CDH10: variants seen among roughly 807,000 people sequenced by gnomAD.
CDH10 encodes the protein cadherin-10.
CDH10 carries 30 observed loss-of-function variants against 73.1 expected under a neutral mutation model. The observed-to-expected ratio is 0.41, with a 90% CI of 0.31 to 0.56. CDH10 has a LOEUF of 0.56. Among genes scored for constraint, CDH10 ranks in the 20% least tolerant of loss-of-function variants. The pLI is 0.27. For missense variants in CDH10, 815 were observed against 973.7 expected (o/e 0.84, Z 2.17); for synonymous variants, 345 against 348.2 (o/e 0.99, Z 0.10).
Position 24,487,379 on chromosome 5 carries a change from A to C in CDH10, c.*284T>G, listed in dbSNP as rs1391459578. On this transcript the variant is annotated 3_prime_UTR_variant, in exon 12 of 12. Transcript: ENST00000264463. Reference sequence around the variant, plus strand: ...TGTTTGTGAGGTTGCTTAAGGGAGAACTATCCTGTTCATGTTTCTGAAATT... The same window carrying C: ...TGTTTGTGAGGTTGCTTAAGGGAGACCTATCCTGTTCATGTTTCTGAAATT... The C allele has an allele frequency of 4.4e-5, 14 of 315,100 alleles. No homozygotes were observed. Among genetic ancestry groups the C allele is most frequent in the Non-Finnish European group, 8.3e-5 (14 of 169,522 alleles). 19.5% of individuals were successfully genotyped at this position (315,100 alleles called of 1,614,324 possible).
At chr5:24,558,344 T>C (rs1744839210) in intron 2 of CDH10, among the ~76,000 whole-genome samples, 1 of 151,896 alleles carries the variant, frequency 6.6e-6, no homozygotes. Context: ...GAATTTTCCA[T>C]GACATTCACA....
Position 24,535,695 on chromosome 5 carries a change from T to C in CDH10, c.646+8A>G, listed in dbSNP as rs201546695. 8.2e-4 allele frequency: 1,322 copies of C among 1,606,538 alleles called. 3 individuals carry two copies. Among genetic ancestry groups the C allele is most frequent in the Middle Eastern group, 2.3e-3 (14 of 5,984 alleles). ...CAAATGAACAAACAGCAATTCATGA[T>C]TCCTGACCTGTTTCAGGCTCCACAG... On this transcript the variant is annotated splice_region_variant and intron_variant, in intron 4 of 11. Transcript: ENST00000264463.
chr5:24,533,156 G>C (rs183123601), intron 5 of CDH10, among the ~76,000 whole-genome samples: 378 of 151,994 alleles, frequency 2.5e-3, no homozygotes, highest in African/African-American at 8.2e-3. Flanking sequence ...GCGAAACCTT[G>C]TCTCTATTAA....
At chr5:24,552,456 A>C (rs113588394) in intron 2 of CDH10, among the ~76,000 whole-genome samples, 4 of 151,946 alleles carry the variant, frequency 2.6e-5, no homozygotes, top group Admixed American at 2.6e-4. Context: ...AGTTTTTCCT[A>C]TAATCTGATA....
intron 5 of CDH10, among the ~76,000 whole-genome samples, chr5:24,519,646 C>T (rs6881981): frequency 0.48 from 72,833 of 151,942 alleles, 17,576 homozygotes; most frequent in East Asian, 0.58. Flanking sequence ...AAAGCCAAGA[C>T]GTGATACCAT....
intron 1 of CDH10, among the ~76,000 whole-genome samples, chr5:24,623,741 A>G (rs1293642862): frequency 6.6e-6 from 1 of 152,216 alleles, no homozygotes; most frequent in Non-Finnish European, 1.5e-5. Context: ...AGTAGAAGGC[A>G]GTGCTGAATT....
At chr5:24,640,281 T>C (rs1748004075) in intron 1 of CDH10, among the ~76,000 whole-genome samples, 1 of 151,338 alleles carries the variant, frequency 6.6e-6, no homozygotes, top group African/African-American at 2.4e-5. Flanking sequence ...TGGAAATAGA[T>C]ATAGATTTGC....
chr5:24,543,881 G>C (rs1229954587), intron 2 of CDH10, among the ~76,000 whole-genome samples: 2 of 152,180 alleles, frequency 1.3e-5, no homozygotes, highest in Non-Finnish European at 2.9e-5. Flanking sequence ...GGGAAGATTA[G>C]AGAGTAATGC....
chr5:24,563,238 A>G (rs968796243), intron 2 of CDH10, among the ~76,000 whole-genome samples: 3 of 152,080 alleles, frequency 2.0e-5, no homozygotes, highest in Admixed American at 6.6e-5. Flanking sequence ...ATCTACCTCA[A>G]TTTAGGTTTG....
chr5:24,539,386 T>C (rs2111905090), intron 2 of CDH10, among the ~76,000 whole-genome samples: 1 of 152,048 alleles, frequency 6.6e-6, no homozygotes, highest in South Asian at 2.1e-4. Flanking sequence ...CCTGAAAACA[T>C]TTTTATGTAG....
At chr5:24,512,851 T>C (rs1468848521) in intron 5 of CDH10, among the ~76,000 whole-genome samples, 5 of 152,154 alleles carry the variant, frequency 3.3e-5, no homozygotes, top group African/African-American at 4.8e-5. Flanking sequence ...CCTCTTAGCT[T>C]GTCACAGTCT....
At chr5:24,631,437 A>G (rs578033700) in intron 1 of CDH10, among the ~76,000 whole-genome samples, 99 of 152,172 alleles carry the variant, frequency 6.5e-4, no homozygotes, top group African/African-American at 2.3e-3. Flanking sequence ...AAAATCAATT[A>G]AGAAAAATAT....
At chr5:24,509,922 A>G in intron 6 of CDH10, 103 bp from the exon 7 acceptor site, 1 of 757,588 alleles carries the variant, frequency 1.3e-6, no homozygotes, top group Non-Finnish European at 2.2e-6. Context: ...GTTCTCTTAC[A>G]TAGTTCATTA....
intron 5 of CDH10, among the ~76,000 whole-genome samples, chr5:24,526,189 A>G (rs1003044): frequency 0.022 from 3,298 of 152,076 alleles, 102 homozygotes; most frequent in African/African-American, 0.069. Flanking sequence ...AAGTTGTCCT[A>G]GAGGACATCA....
At chr5:24,624,714 G>A (rs1747432753) in intron 1 of CDH10, among the ~76,000 whole-genome samples, 1 of 152,112 alleles carries the variant, frequency 6.6e-6, no homozygotes, top group Non-Finnish European at 1.5e-5. Context: ...AGGTAGTAAG[G>A]CATATGTTGA....
chr5:24,574,436 G>A (rs2112034014), intron 2 of CDH10, among the ~76,000 whole-genome samples: 2 of 152,124 alleles, frequency 1.3e-5, no homozygotes, highest in South Asian at 4.1e-4. Context: ...GAGGATATTG[G>A]CCAAAATAGA....
intron 1 of CDH10, among the ~76,000 whole-genome samples, chr5:24,594,189 C>T (rs995676829): frequency 2.6e-5 from 4 of 151,896 alleles, no homozygotes; most frequent in African/African-American, 9.7e-5. Context: ...TTAGGTTAGC[C>T]TGGGGAACAC....
intron 1 of CDH10, among the ~76,000 whole-genome samples, chr5:24,615,561 G>A (rs1747100025): frequency 6.6e-6 from 1 of 152,188 alleles, no homozygotes; most frequent in Admixed American, 6.5e-5. Context: ...CAGATAATAT[G>A]TGAATGACTT....
intron 1 of CDH10, among the ~76,000 whole-genome samples, chr5:24,641,693 C>T (rs967805891): frequency 1.3e-5 from 2 of 152,056 alleles, no homozygotes; most frequent in East Asian, 1.9e-4. Context: ...CTTAGTATAA[C>T]GCTTAATCAA....
Sources: allele counts gnomAD v4.1 joint callset (sites outside exome capture counted in the v4.1 genomes callset), GRCh38; gene constraint gnomAD v4.1.1; transcripts MANE v1.5; gene names NCBI Gene and HGNC (gene_info 2026-07-23, HGNC 2026-07-21).